EHD2: variants seen among roughly 807,000 people sequenced by gnomAD.
EHD2 encodes the protein EH domain containing 2.
Under a neutral mutation model 41.0 loss-of-function variants are expected in EHD2, and 27 were observed. The observed-to-expected ratio is 0.66, with a 90% CI of 0.49 to 0.91. EHD2 has a LOEUF of 0.91. EHD2 is among the 40% of genes least tolerant of loss of function. EHD2 has a pLI of 0.00. For missense variants in EHD2, 673 were observed against 773.9 expected, an observed-to-expected ratio of 0.87 and a Z score of 1.55; for synonymous variants, 342 against 341.0, an observed-to-expected ratio of 1.00 and a Z score of -0.03.
intron 1 of EHD2, among the ~76,000 whole-genome samples, chr19:47,715,151 G>A (rs1417775761): frequency 6.6e-6 from 1 of 152,136 alleles, no homozygotes; most frequent in African/African-American, 2.4e-5. Context: ...TGTTAAGTGA[G>A]TTAGTACAGT....
In EHD2 at chr19:47,716,593, G is replaced by A. The variant is rs374903022; in HGVS notation, c.-20G>A. 2,586 of 1,490,584 alleles carry A rather than the reference G, an allele frequency of 1.7e-3. 3 individuals are homozygous for A. Among genetic ancestry groups the A allele is most frequent in the Non-Finnish European group, 2.1e-3 (2,408 of 1,121,856 alleles). 92.3% of individuals were successfully genotyped at this position (1,490,584 alleles called of 1,614,324 possible). A position where few individuals can be genotyped will look rare whatever the true frequency, so the allele number is the denominator to read the frequency against. ...ATCTGCACGTCTCTCCGTGAACCCCGTGAGCGGTGTGCAGCCACCATGTTC... is the reference window on the plus strand; with the variant it reads ...ATCTGCACGTCTCTCCGTGAACCCCATGAGCGGTGTGCAGCCACCATGTTC... On this transcript the variant is annotated 5_prime_UTR_variant, in exon 2 of 6. In the 5' UTR this introduces an upstream ATG that the reference lacks. Transcript: ENST00000263277.
chr19:47,713,523 C>T lies in EHD2; in HGVS notation c.-71C>T, dbSNP rs1385551999. 1 of 152,880 alleles carries T rather than the reference C, an allele frequency of 6.5e-6. No homozygotes were observed. The highest frequency in any genetic ancestry group is 1.5e-5 in the Non-Finnish European group (1 of 68,570). The allele number at this position is 152,880 out of a possible 1,614,324, so 9.5% of individuals were successfully genotyped here. ...CAGCCTGCCCAGCCCGCTGCAGCCG[C>T]CAGCGCGCCCCGTCGGTGAGTGCTC... On this transcript the variant is annotated 5_prime_UTR_variant, in exon 1 of 6. Transcript: ENST00000263277.
rs1973747905 is a variant in EHD2, at chr19:47,726,030, G to T, written c.721G>T (p.Gly241Cys). 1.3e-6 allele frequency: 2 copies of T among 1,598,206 alleles called. No individual in the cohort carries two copies. The highest frequency in any genetic ancestry group is 1.7e-6 in the Non-Finnish European group (2 of 1,171,756). Reference sequence around the variant, plus strand: ...CTACGGCGCGCTCATGTGGGCGCTGGGCAAGGTGGTGGGCACGCCCGAGGT... The same window carrying T: ...CTACGGCGCGCTCATGTGGGCGCTGTGCAAGGTGGTGGGCACGCCCGAGGT... ...RVYGALMWAL[G>C]KVVGTPEVLR... Residue 241 changes from glycine (G) to cysteine (C), a missense_variant, in exon 4 of 6, where the codon GGC (glycine) becomes TGC (cysteine). Coordinates refer to ENST00000263277, the MANE Select transcript of EHD2 (RefSeq NM_014601.4).
intron 5 of EHD2, among the ~76,000 whole-genome samples, chr19:47,737,027 C>G (rs1045898913): frequency 6.6e-6 from 1 of 151,642 alleles, no homozygotes; most frequent in South Asian, 2.1e-4. Flanking sequence ...GTCAGCAGAT[C>G]AAGACCATCC....
At chr19:47,737,942 G>A (rs1245904178) in intron 5 of EHD2, among the ~76,000 whole-genome samples, 3 of 146,628 alleles carry the variant, frequency 2.0e-5, no homozygotes, top group South Asian at 2.1e-4. Flanking sequence ...CTGCAGAGGC[G>A]TGATCTTGGC....
chr19:47,741,285 G>C lies in EHD2; in HGVS notation c.1485G>C (p.Val495=). The C allele has an allele frequency of 6.2e-7, 1 of 1,614,044 alleles. No individual in the cohort carries two copies. Among genetic ancestry groups the C allele is most frequent in the African/African-American group, 1.3e-5 (1 of 75,052 alleles). The change falls in exon 6 of 6, where the codon GTG becomes GTC. Residue 495 remains valine (V), a synonymous_variant. Transcript: ENST00000263277. This position sits in a 1 kb window ranked among gnomAD's most constrained non-coding sequence, Gnocchi z 4.5. ...VLGRIWKLSD[V]DRDGMLDDEE... ...GGCGCATCTGGAAGCTCAGCGATGT[G>C]GACCGCGACGGCATGCTGGATGATG...
chr19:47,715,079 A>AAAT (rs777995973), intron 1 of EHD2, among the ~76,000 whole-genome samples: 10 of 150,788 alleles, frequency 6.6e-5, no homozygotes, highest in African/African-American at 2.4e-4. Flanking sequence ...ATAAATAAAT[A>AAAT]AAAAGAAAGA....
At chr19:47,734,306 G>C (rs1966899651) in intron 4 of EHD2, among the ~76,000 whole-genome samples, 1 of 151,874 alleles carries the variant, frequency 6.6e-6, no homozygotes. Flanking sequence ...CTGCACTCCA[G>C]CCTGGGGGAC....
intron 1 of EHD2, among the ~76,000 whole-genome samples, chr19:47,715,498 G>A (rs943347542): frequency 6.6e-5 from 10 of 152,100 alleles, no homozygotes; most frequent in Non-Finnish European, 1.2e-4. Context: ...ATGTGTCTGG[G>A]TCCTTACTGG....
chr19:47,716,167 C>G (rs565465123), intron 1 of EHD2, among the ~76,000 whole-genome samples: 19 of 147,316 alleles, frequency 1.3e-4, no homozygotes, highest in African/African-American at 4.5e-4. Flanking sequence ...CAGCCTTGAA[C>G]TCCTGAGCTC....
chr19:47,733,427 A>C (rs1434546116), intron 4 of EHD2, among the ~76,000 whole-genome samples: 1 of 151,920 alleles, frequency 6.6e-6, no homozygotes, highest in Non-Finnish European at 1.5e-5. Flanking sequence ...TAATCTCAGC[A>C]CTTTGGAAGA....
Position 47,731,279 on chromosome 19 carries a change from A to AAAAAATATATATAT in EHD2, c.915+5056_915+5057insAAAATATATATATA. ...ATTTGTGATTCTTTAAAAAAAAAAAAATATATATATATATATATATATACA... is the reference window on the plus strand; with the variant it reads ...ATTTGTGATTCTTTAAAAAAAAAAAAAAAAATATATATATATATATATATATATATATATATACA... On this transcript the variant is annotated intron_variant, in intron 4 of 5. Transcript: ENST00000263277. The AAAAAATATATATAT allele has an allele frequency of 8.2e-5, 5 of 60,928 alleles. 1 individual carries two copies. Among genetic ancestry groups the AAAAAATATATATAT allele is most frequent in the African/African-American group, 2.4e-4 (5 of 20,456 alleles). The allele number at this position is 60,928 out of a possible 1,614,324, so 3.8% of individuals were successfully genotyped here.
At chr19:47,739,099 CT>C (rs942727769) in intron 5 of EHD2, among the ~76,000 whole-genome samples, 2 of 151,806 alleles carry the variant, frequency 1.3e-5, no homozygotes, top group African/African-American at 4.8e-5. Flanking sequence ...CTCTCCCCCC[CT>C]GCACACTTTT....
chr19:47,726,272 C>G (rs375067782), intron 4 of EHD2, 48 bp downstream of exon 4: 7 of 1,449,712 alleles, frequency 4.8e-6, no homozygotes, highest in African/African-American at 1.4e-5. Context: ...GAGGTTTCCT[C>G]GGTCCTCTCC....
chr19:47,717,614 C>G (rs1568587512), intron 2 of EHD2, among the ~76,000 whole-genome samples: 2 of 152,104 alleles, frequency 1.3e-5, no homozygotes. Flanking sequence ...AAATGTGGAT[C>G]AATCACCTTG....
chr19:47,731,279 A>AAAAAAAAATATAT, intron 4 of EHD2: 4 of 60,934 alleles, frequency 6.6e-5, no homozygotes, highest in Non-Finnish European at 1.1e-4. Flanking sequence ...AAAAAAAAAA[A>AAAAAAAAATATAT]ATATATATAT....
At chr19:47,722,213 G>A (rs756104293) in intron 3 of EHD2, among the ~76,000 whole-genome samples, 1 of 152,156 alleles carries the variant, frequency 6.6e-6, no homozygotes, top group Non-Finnish European at 1.5e-5. Context: ...GCCGTTGTGG[G>A]CCCAAGGTTC....
At chr19:47,722,757 G>T (rs1163046621) in intron 3 of EHD2, among the ~76,000 whole-genome samples, 1 of 151,960 alleles carries the variant, frequency 6.6e-6, no homozygotes, top group East Asian at 1.9e-4. Flanking sequence ...TAGTGGAGAC[G>T]GGGTTTCACT....
At chr19:47,736,778 G>A (rs911706623) in intron 5 of EHD2, among the ~76,000 whole-genome samples, 2 of 152,242 alleles carry the variant, frequency 1.3e-5, no homozygotes, top group African/African-American at 4.8e-5. Context: ...AAAAGTCCCA[G>A]AAAGTGATCC....
Sources: allele counts gnomAD v4.1 joint callset (sites outside exome capture counted in the v4.1 genomes callset), GRCh38; gene constraint gnomAD v4.1.1; non-coding constraint Gnocchi (gnomAD v3.1); transcripts MANE v1.5; gene names NCBI Gene and HGNC (gene_info 2026-07-23, HGNC 2026-07-21).